Variants in NPHP3 observed in about 807,000 individuals in gnomAD.
The protein encoded by NPHP3 is nephrocystin-3.
Under a neutral mutation model 171.9 loss-of-function variants are expected in NPHP3, and 123 were observed. That is an observed-to-expected ratio of 0.72 (90% confidence interval 0.62 to 0.83). NPHP3 has a LOEUF of 0.83. Among genes scored for constraint, NPHP3 ranks in the 40% least tolerant of loss-of-function variants. NPHP3 has a pLI of 0.00. For missense variants in NPHP3, 1,506 were observed against 1,591.9 expected (o/e 0.95, Z 0.92); for synonymous variants, 558 against 579.2 (o/e 0.96, Z 0.52).
rs1211967673 is a variant in NPHP3 at position 132,692,658 on chromosome 3, A to G, written c.2471T>C (p.Leu824Pro). Residue 824 changes from leucine to proline, a missense_variant, in exon 17 of 27, where the codon CTG (leucine) becomes CCG (proline). Leu to Pro is a moderately conservative substitution (Grantham distance 98). Around this residue, in one of 3 missense-constraint regions of NPHP3, gnomAD observed 569 missense variants for 648.1 expected, o/e 0.88. Transcript: ENST00000337331. ...AGATGCCTAAAATAACATTACCTGC[A>G]GATGTTGAAACCTAAGCAAGCCACA... ...YGCGLLRFQH[L>P]QAWETVRLEY... 1 of 1,613,474 alleles carries G rather than the reference A, an allele frequency of 6.2e-7. No homozygotes were observed. The highest frequency in any genetic ancestry group is 1.1e-5 in the South Asian group (1 of 91,058).
rs1940156950 is a variant in NPHP3 at position 132,719,807 on chromosome 3, C to T, written c.417G>A (p.Lys139=). ...ELQALQKTYQ[K]ILREKESALE... ...AAGCACTTTCTTTTTCTCGAAGTAT[C>T]TTCTGATACGTTTTTTGAAGTGCCT... Residue 139 remains lysine (K), a synonymous_variant, in exon 2 of 27, where the codon AAG becomes AAA. Coordinates refer to ENST00000337331, the MANE Select transcript of NPHP3 (RefSeq NM_153240.5). The T allele has an allele frequency of 6.3e-7, 1 of 1,595,320 alleles. No homozygotes were observed. The highest frequency in any genetic ancestry group is 1.3e-5 in the African/African-American group (1 of 74,650).
At chr3:132,682,620 A>G in intron 26 of NPHP3, 83 bp downstream of exon 26, 1 of 844,010 alleles carries the variant, frequency 1.2e-6, no homozygotes, top group Non-Finnish European at 2.0e-6. Context: ...AAAAACATTC[A>G]GTAATACATA....
At chr3:132,692,976 T>C in intron 16 of NPHP3, 158 bp from the exon 17 acceptor site, 2 of 653,938 alleles carry the variant, frequency 3.1e-6, no homozygotes, top group Non-Finnish European at 5.3e-6. Flanking sequence ...TAAAACACAC[T>C]GTCCAAAAGA....
At position 132,713,212 on chromosome 3, in the gene NPHP3, A is replaced by T. The variant is rs778210113; in HGVS notation, c.1032T>A (p.Asp344Glu). ...YFFHAVYFPI[D>E]VENQYLTVRK... The stretch of plus-strand genomic sequence containing the variant: ...TTACAGTGAGGTATTGATTTTCAAC[A>T]TCTATTGGAAAATAAACAGCATGGA... Residue 344 changes from aspartate (D) to glutamate (E), a missense_variant, in exon 6 of 27, where the codon GAT becomes GAA. Physicochemically the swap from Asp to Glu is conservative, Grantham distance 45. Coordinates refer to ENST00000337331, the MANE Select transcript of NPHP3 (RefSeq NM_153240.5). 69 of 1,587,744 alleles carry T rather than the reference A, an allele frequency of 4.3e-5. No homozygotes were observed. Among genetic ancestry groups the T allele is most frequent in the Non-Finnish European group, 5.6e-5 (65 of 1,159,838 alleles).
intron 18 of NPHP3, 128 bp from the exon 19 acceptor site, chr3:132,690,778 T>C (rs990723887): frequency 1.0e-6 from 1 of 968,498 alleles, no homozygotes; most frequent in African/African-American, 1.7e-5. Context: ...TATAATTTAA[T>C]ACTAAAAAAG....
chr3:132,689,062 T>C lies in NPHP3; in HGVS notation c.2883+12A>G, dbSNP rs757166646. ...ACCTGTCTCTGGCTTGCCATTGATC[T>C]GCTGAGCTTACCTGACTGAGAAGGC... On this transcript the variant is annotated intron_variant, in intron 20 of 26. Transcript: ENST00000337331. 3.1e-6 allele frequency: 5 copies of C among 1,614,032 alleles called. No homozygotes were observed. In the African/African-American group the frequency reaches 6.7e-5, roughly 22 times the overall value.
rs757417746 is a variant in NPHP3 at position 132,694,935 on chromosome 3, G to T, written c.2202C>A (p.Ile734=). Residue 734 remains isoleucine, a synonymous_variant, in exon 16 of 27, where the codon ATC becomes ATA. Coordinates refer to ENST00000337331, the MANE Select transcript of NPHP3 (RefSeq NM_153240.5). ...CTTGACACTGGAAACACTGATGAAG[G>T]ATTTTATCTAAATTGCCTGCTCTCC... ...RAGRAGNLDK[I]LHQCFQCQDT... 7.4e-6 allele frequency: 12 copies of T among 1,613,804 alleles called. No individual in the cohort carries two copies. Among genetic ancestry groups the T allele is most frequent in the Non-Finnish European group, 1.0e-5 (12 of 1,179,872 alleles).
chr3:132,699,227 C>T lies in NPHP3; in HGVS notation c.1985+126G>A. The T allele has an allele frequency of 2.2e-5, 15 of 683,348 alleles. No homozygotes were observed. In the South Asian group the frequency reaches 2.4e-4, roughly 11 times the overall value. 42.3% of individuals were successfully genotyped at this position (683,348 alleles called of 1,614,324 possible). A position where few individuals can be genotyped will look rare whatever the true frequency, so the allele number is the denominator to read the frequency against. On this transcript the variant is annotated intron_variant, in intron 13 of 26. Transcript: ENST00000337331. The stretch of plus-strand genomic sequence containing the variant: ...TATTTTTTTTTCATAAATTCACCCA[C>T]TTCTCCCCATCCTCACTGCAAGTTA...
Position 132,692,656 on chromosome 3 carries a change from G to C in NPHP3, c.2473C>G (p.Gln825Glu). 1 of 1,613,338 alleles carries C rather than the reference G, an allele frequency of 6.2e-7. No individual in the cohort carries two copies. The highest frequency in any genetic ancestry group is 1.1e-5 in the South Asian group (1 of 91,046). The change falls in exon 17 of 27, where the codon CAG becomes GAG. Residue 825 changes from glutamine to glutamate, a missense_variant and splice_region_variant. Coordinates refer to ENST00000337331, the MANE Select transcript of NPHP3 (RefSeq NM_153240.5). ...GCGLLRFQHL[Q>E]AWETVRLEYL... ...AAAGATGCCTAAAATAACATTACCT[G>C]CAGATGTTGAAACCTAAGCAAGCCA... is the stretch of plus-strand genomic sequence containing the variant.
At position 132,705,722 on chromosome 3, in the gene NPHP3, C is replaced by A; in HGVS notation, c.1350+18G>T. 1.7e-6 allele frequency: 2 copies of A among 1,166,816 alleles called. No homozygotes were observed. The highest frequency in any genetic ancestry group is 2.6e-6 in the Non-Finnish European group (2 of 780,422). The allele number at this position is 1,166,816 out of a possible 1,614,324, so 72.3% of individuals were successfully genotyped here. A position where few individuals can be genotyped will look rare whatever the true frequency, so the allele number is the denominator to read the frequency against. ...TTAAAATATTTTAGATGAAAACTTA[C>A]AGAGAATGCATATTTACCTGTTTAA... On this transcript the variant is annotated intron_variant, in intron 8 of 26. Coordinates refer to ENST00000337331, the MANE Select transcript of NPHP3 (RefSeq NM_153240.5).
At chr3:132,697,432 T>C in intron 13 of NPHP3, 70 bp from the exon 14 acceptor site, 1 of 1,017,444 alleles carries the variant, frequency 9.8e-7, no homozygotes, top group South Asian at 1.3e-5. Context: ...CATAACACAA[T>C]TTAAAATCCA....
chr3:132,720,089 T>C (rs1327475131), intron 1 of NPHP3, among the ~76,000 whole-genome samples: 1 of 152,230 alleles, frequency 6.6e-6, no homozygotes, highest in Admixed American at 6.5e-5. Flanking sequence ...TTTGAAACAC[T>C]GCATCAGCTC....
intron 6 of NPHP3, among the ~76,000 whole-genome samples, 164 bp from the exon 7 acceptor site, chr3:132,708,421 C>A (rs766132948): frequency 1.3e-5 from 2 of 152,222 alleles, no homozygotes; most frequent in Non-Finnish European, 2.9e-5. Flanking sequence ...TGTGTTATGG[C>A]TCTCTTCCAG....
chr3:132,713,200 T>C lies in NPHP3; in HGVS notation c.1044A>G (p.Gln348=), dbSNP rs1560014152. 1.3e-6 allele frequency: 2 copies of C among 1,572,328 alleles called. No homozygotes were observed. Among genetic ancestry groups the C allele is most frequent in the Non-Finnish European group, 8.7e-7 (1 of 1,146,554 alleles). Residue 348 remains glutamine, a synonymous_variant, in exon 6 of 27, where the codon CAA becomes CAG. Transcript: ENST00000337331. ...AVYFPIDVEN[Q]YLTVRKWEIE... ...TTTCCCATTTTCTTACAGTGAGGTA[T>C]TGATTTTCAACATCTATTGGAAAAT... is the stretch of plus-strand genomic sequence containing the variant.
At chr3:132,715,024 C>A in intron 5 of NPHP3, 61 bp downstream of exon 5, 2 of 1,372,616 alleles carry the variant, frequency 1.5e-6, no homozygotes, top group Non-Finnish European at 2.1e-6. Flanking sequence ...GTATCAGAAA[C>A]AGAATATAAT....
Position 132,697,276 on chromosome 3 carries a change from T to C in NPHP3, c.2072A>G (p.Lys691Arg). Residue 691 changes from lysine (K) to arginine (R), a missense_variant, in exon 14 of 27, where the codon AAA (lysine) becomes AGA (arginine). Lys to Arg is a conservative substitution (Grantham distance 26, BLOSUM62 2). Transcript: ENST00000337331. ...AATACACACCTGCTCTTTACTCAAT[T>C]TAATGTCTACAGAGTGGCATTCTGC... is the stretch of plus-strand genomic sequence containing the variant. ...IIAECHSVDI[K>R]LSKEQEKKLE... 6.2e-7 allele frequency: 1 copy of C among 1,606,648 alleles called. No individual in the cohort carries two copies. Among genetic ancestry groups the C allele is most frequent in the Non-Finnish European group, 8.5e-7 (1 of 1,174,256 alleles).
At chr3:132,689,796 G>A (rs1211103172) in intron 19 of NPHP3, among the ~76,000 whole-genome samples, 1 of 152,176 alleles carries the variant, frequency 6.6e-6, no homozygotes, top group African/African-American at 2.4e-5. Flanking sequence ...GCGATCTTAA[G>A]TAGTATGGGG....
chr3:132,689,574 A>G (rs1939249050), intron 19 of NPHP3, among the ~76,000 whole-genome samples: 1 of 152,204 alleles, frequency 6.6e-6, no homozygotes, highest in African/African-American at 2.4e-5. Flanking sequence ...TGTTATCCTT[A>G]ATACCATCAT....
intron 9 of NPHP3, among the ~76,000 whole-genome samples, chr3:132,702,059 G>T (rs1228110604): frequency 6.6e-6 from 1 of 151,800 alleles, no homozygotes; most frequent in Non-Finnish European, 1.5e-5. Flanking sequence ...ACAAAAAATG[G>T]GCCCCAATTT....
Sources: gnomAD v4.1 joint callset for allele counts (sites outside exome capture counted in the v4.1 genomes callset) on GRCh38, gnomAD v4.1.1 for gene constraint, gnomAD v4.1.1 regional missense constraint, MANE v1.5 for transcripts, NCBI Gene and HGNC (gene_info 2026-07-23, HGNC 2026-07-21) for gene names.